The following KCNIP1 variants were observed in gnomAD, a reference collection of about 807,000 sequenced individuals.
KCNIP1 encodes the protein A-type potassium channel modulatory protein KCNIP1.
A neutral mutation model predicts 33.0 loss-of-function variants in KCNIP1; 18 were observed. The ratio of observed to expected loss-of-function variants is 0.55; its 90% CI spans 0.38 to 0.81. KCNIP1 has a LOEUF of 0.81. Ranked by LOEUF, KCNIP1 falls within the 30% of genes least tolerant of loss-of-function variation. KCNIP1 has a pLI of 0.00. For synonymous variants in KCNIP1, 93 were observed against 98.3 expected (o/e 0.95, Z 0.32); for missense variants, 238 against 271.6 (o/e 0.88, Z 0.87).
In KCNIP1 at chr5:170,504,387, G is replaced by C; in HGVS notation, c.-186G>C. On this transcript the variant is annotated 5_prime_UTR_variant, in exon 1 of 8. Coordinates refer to ENST00000328939, the MANE Select transcript of KCNIP1 (RefSeq NM_014592.4). The surrounding 1 kb of genome is among the most constrained non-coding windows in gnomAD (Gnocchi z 6.0). ...CTAGCCCTGAGTCCCTGCATGTGCG[G>C]GGCTGAAGAAGGAAGCCAGAAGCCT... is the stretch of plus-strand genomic sequence containing the variant. 1 of 1,437,942 alleles carries C rather than the reference G, an allele frequency of 7.0e-7. No individual in the cohort carries two copies. The highest frequency in any genetic ancestry group is 1.5e-5 in the South Asian group (1 of 67,224). 89.1% of individuals were successfully genotyped at this position (1,437,942 alleles called of 1,614,324 possible). A position where few individuals can be genotyped will look rare whatever the true frequency, so the allele number is the denominator to read the frequency against.
chr5:170,390,177 C>T (rs1764660974), intron 1 of KCNIP1, among the ~76,000 whole-genome samples: 2 of 152,134 alleles, frequency 1.3e-5, no homozygotes, highest in African/African-American at 2.4e-5. Flanking sequence ...TAGATCTCTG[C>T]TTCTTCATCT....
At chr5:170,660,110 T>C (rs944989388) in intron 1 of KCNIP1, among the ~76,000 whole-genome samples, 2 of 152,326 alleles carry the variant, frequency 1.3e-5, no homozygotes, top group East Asian at 1.9e-4. Flanking sequence ...AACTTGAAGT[T>C]AGCTTCTCAG....
intron 1 of KCNIP1, among the ~76,000 whole-genome samples, chr5:170,444,147 C>A (rs928391946): frequency 6.6e-6 from 1 of 152,186 alleles, no homozygotes; most frequent in African/African-American, 2.4e-5. Flanking sequence ...AAACAACACA[C>A]CTTTATTATC....
intron 1 of KCNIP1, among the ~76,000 whole-genome samples, chr5:170,635,799 T>C (rs1194332476): frequency 6.6e-6 from 1 of 152,148 alleles, no homozygotes; most frequent in Non-Finnish European, 1.5e-5. Flanking sequence ...CTGCCTTGGA[T>C]GTATAAAAGG....
Position 170,631,843 on chromosome 5 carries a change from C to T in KCNIP1, c.62-86915C>T, listed in dbSNP as rs559740201. Among the ~76,000 whole-genome samples the T allele has an allele frequency of 5.9e-5, 9 of 152,340 alleles. No individual in the cohort carries two copies. In the South Asian group the frequency reaches 1.7e-3, roughly 28 times the overall value. On this transcript the variant is annotated intron_variant, in intron 1 of 7. Transcript: ENST00000328939. ...CAGTCCTGACCAGGGGAAAGAGTAG[C>T]GCCGACAACAGCCCCAGATGGTATG...
chr5:170,620,585 T>C (rs1217526552), intron 1 of KCNIP1, among the ~76,000 whole-genome samples: 14 of 152,236 alleles, frequency 9.2e-5, no homozygotes, highest in Admixed American at 9.2e-4. Context: ...AAACTGTGCC[T>C]GATGCCTGCC....
intron 1 of KCNIP1, among the ~76,000 whole-genome samples, chr5:170,380,559 C>A (rs1182638563): frequency 1.3e-5 from 2 of 152,340 alleles, no homozygotes; most frequent in South Asian, 2.1e-4. Flanking sequence ...TTCTCACAGC[C>A]TGGGAAATGC....
At chr5:170,357,637 C>T (rs1043635157) in intron 1 of KCNIP1, among the ~76,000 whole-genome samples, 7 of 152,200 alleles carry the variant, frequency 4.6e-5, no homozygotes, top group Admixed American at 4.6e-4. Flanking sequence ...TCAAGCAATC[C>T]TCCCACCTCA....
rs536178245 is a variant in KCNIP1 at position 170,509,741 on chromosome 5, G to A, written c.61+5108G>A. Among the ~76,000 whole-genome samples the A allele has an allele frequency of 3.9e-5, 6 of 152,292 alleles. No homozygotes were observed. The South Asian group carries it at 6.2e-4, about 16-fold the overall frequency. On this transcript the variant is annotated intron_variant, in intron 1 of 7. Coordinates refer to ENST00000328939, the MANE Select transcript of KCNIP1 (RefSeq NM_014592.4). ...TTAACAGCCTATCTTTTCACAAAGA[G>A]CATTGATAGTCATCTCCCCAAAGTT...
intron 1 of KCNIP1, chr5:170,354,000 T>G (rs1352378133): frequency 6.3e-7 from 1 of 1,578,880 alleles, no homozygotes; most frequent in Non-Finnish European, 8.7e-7. Context: ...CTTTCTGTCT[T>G]GATATGGCCT....
chr5:170,648,666 T>C (rs960352862), intron 1 of KCNIP1, among the ~76,000 whole-genome samples: 1 of 152,222 alleles, frequency 6.6e-6, no homozygotes, highest in Non-Finnish European at 1.5e-5. Context: ...AACAGTTCTG[T>C]ATGCTACTAC....
chr5:170,716,843 T>G (rs1763659883), intron 1 of KCNIP1, among the ~76,000 whole-genome samples: 2 of 152,242 alleles, frequency 1.3e-5, no homozygotes, highest in Admixed American at 6.5e-5. Context: ...TTAAGTGTAC[T>G]GCAAAAAACC....
intron 1 of KCNIP1, among the ~76,000 whole-genome samples, chr5:170,354,300 G>C (rs1053735114): frequency 1.3e-5 from 2 of 152,198 alleles, no homozygotes; most frequent in African/African-American, 2.4e-5. Flanking sequence ...AGTTATCCAT[G>C]GAAGGTTGTA....
At chr5:170,372,451 GC>G (rs917721545) in intron 1 of KCNIP1, among the ~76,000 whole-genome samples, 2 of 152,108 alleles carry the variant, frequency 1.3e-5, no homozygotes, top group Non-Finnish European at 2.9e-5. Context: ...TCAACCTCCA[GC>G]CCCTCTTCCC....
At chr5:170,528,251 C>G (rs1335245768) in intron 1 of KCNIP1, among the ~76,000 whole-genome samples, 2 of 152,318 alleles carry the variant, frequency 1.3e-5, no homozygotes, top group Admixed American at 1.3e-4. Context: ...CTTCCCCAGT[C>G]TGCAGCCCCT....
chr5:170,389,847 T>C (rs960353400), intron 1 of KCNIP1, among the ~76,000 whole-genome samples: 8 of 152,202 alleles, frequency 5.3e-5, no homozygotes, highest in African/African-American at 1.9e-4. Context: ...TCCTTTTTTG[T>C]TTTTGGTTTT....
chr5:170,644,529 C>T (rs1760710522), intron 1 of KCNIP1, among the ~76,000 whole-genome samples: 1 of 152,142 alleles, frequency 6.6e-6, no homozygotes, highest in Non-Finnish European at 1.5e-5. Flanking sequence ...CTGATTTGTC[C>T]CCATGGCCCC....
At position 170,598,924 on chromosome 5, in the gene KCNIP1, T is replaced by TGTGTGTGTGTGCGC. The variant is rs1758578883; in HGVS notation, c.61+94302_61+94303insCGCGTGTGTGTGTG. Among the ~76,000 whole-genome samples, 5 of 150,362 alleles carry TGTGTGTGTGTGCGC rather than the reference T, an allele frequency of 3.3e-5. No homozygotes were observed. In the Admixed American group the frequency reaches 3.4e-4, roughly 10 times the overall value. ...GTGCGCGTGTGTGTGTGTGTGTGTG[T>TGTGTGTGTGTGCGC]GTGTGTGTGTGTGTGTGTTTGGTGG... is the stretch of plus-strand genomic sequence containing the variant. On this transcript the variant is annotated intron_variant, in intron 1 of 7. Coordinates refer to ENST00000328939, the MANE Select transcript of KCNIP1 (RefSeq NM_014592.4).
chr5:170,695,937 C>G (rs554269954), intron 1 of KCNIP1, among the ~76,000 whole-genome samples: 2 of 150,984 alleles, frequency 1.3e-5, no homozygotes, highest in East Asian at 3.9e-4. Flanking sequence ...GAGAATTGTT[C>G]GAACCAGGGA....
Sources: gnomAD v4.1 joint callset for allele counts (sites outside exome capture counted in the v4.1 genomes callset) on GRCh38, gnomAD v4.1.1 for gene constraint, Gnocchi (gnomAD v3.1) non-coding constraint, MANE v1.5 for transcripts, NCBI Gene and HGNC (gene_info 2026-07-23, HGNC 2026-07-21) for gene names.